The following TRMU variants were observed in gnomAD, a reference collection of about 807,000 sequenced individuals.
The protein encoded by TRMU is mitochondrial tRNA-specific 2-thiouridylase 1.
Under a neutral mutation model 46.9 loss-of-function variants are expected in TRMU, and 49 were observed. The ratio of observed to expected loss-of-function variants is 1.05; its 90% CI spans 0.83 to 1.33. The LOEUF (loss-of-function observed/expected upper bound fraction) is 1.33, where lower values mean the gene tolerates loss of function less well. TRMU is among the 40% of genes most tolerant of loss of function. TRMU has a pLI of 0.00. For synonymous variants in TRMU, 241 were observed against 200.9 expected, an observed-to-expected ratio of 1.20 and a Z score of -1.69; for missense variants, 572 against 532.4, an observed-to-expected ratio of 1.07 and a Z score of -0.73.
intron 9 of TRMU, 125 bp from the exon 10 acceptor site, chr22:46,355,865 G>T: frequency 8.6e-7 from 1 of 1,166,524 alleles, no homozygotes; most frequent in Non-Finnish European, 1.2e-6. Flanking sequence ...CCAGGCTGGT[G>T]CCCTGCCCTT....
In TRMU at chr22:46,335,814, G is replaced by A; in HGVS notation, c.50G>A (p.Ser17Asn). 1.3e-6 allele frequency: 2 copies of A among 1,558,880 alleles called. No homozygotes were observed. The highest frequency in any genetic ancestry group is 1.7e-6 in the Non-Finnish European group (2 of 1,157,682). The part of the protein sequence containing the change: ...VVCALSGGVD[S>N]AVAALLLRRR... ...TGCGCCCTGTCCGGCGGCGTGGACA[G>A]CGCCGTGGCCGCGCTGCTGCTGAGG... is the stretch of plus-strand genomic sequence containing the variant. The change falls in exon 1 of 11, where the codon AGC becomes AAC. Residue 17 changes from serine (S) to asparagine (N), a missense_variant. Coordinates refer to ENST00000645190, the MANE Select transcript of TRMU (RefSeq NM_018006.5).
chr22:46,355,792 C>T (rs2147115444), intron 9 of TRMU, 198 bp from the exon 10 acceptor site: 3 of 1,059,916 alleles, frequency 2.8e-6, no homozygotes, highest in East Asian at 5.2e-5. Context: ...GCAGGCAGGC[C>T]CCGGCGTGTT....
At chr22:46,355,312 C>G (rs2078564020) in intron 8 of TRMU, 132 bp from the exon 9 acceptor site, 2 of 1,393,902 alleles carry the variant, frequency 1.4e-6, no homozygotes, top group South Asian at 1.3e-5. Context: ...GGGTAGAACA[C>G]TTCGAGCGGT....
chr22:46,338,007 T>C lies in TRMU; in HGVS notation c.248+63T>C. The C allele has an allele frequency of 6.2e-7, 1 of 1,607,830 alleles. No homozygotes were observed. The highest frequency in any genetic ancestry group is 8.5e-7 in the Non-Finnish European group (1 of 1,175,100). On this transcript the variant is annotated intron_variant, in intron 2 of 10. Coordinates refer to ENST00000645190, the MANE Select transcript of TRMU (RefSeq NM_018006.5). The surrounding 1 kb of genome is among the most constrained non-coding windows in gnomAD (Gnocchi z 4.5). ...ACTGTGGATCCTTGCAGTGGAAGGATCCGGTAACCAGCCAGACCGACGCCT... is the reference window on the plus strand; with the variant it reads ...ACTGTGGATCCTTGCAGTGGAAGGACCCGGTAACCAGCCAGACCGACGCCT...
chr22:46,357,111 A>G lies in TRMU; in HGVS notation c.*105A>G, dbSNP rs2078637723. 2 of 1,523,688 alleles carry G rather than the reference A, an allele frequency of 1.3e-6. No individual in the cohort carries two copies. 94.4% of individuals were successfully genotyped at this position (1,523,688 alleles called of 1,614,324 possible). On this transcript the variant is annotated 3_prime_UTR_variant, in exon 11 of 11. Coordinates refer to ENST00000645190, the MANE Select transcript of TRMU (RefSeq NM_018006.5). ...GCCAGCTTGCTGCTGCCCAAAGCAG[A>G]GGAAGCCGGGCTGGCTGAGGGTCCG...
At chr22:46,355,925 C>G (rs975617810) in intron 9 of TRMU, 65 bp from the exon 10 acceptor site, 1 of 1,581,828 alleles carries the variant, frequency 6.3e-7, no homozygotes, top group Non-Finnish European at 8.7e-7. Flanking sequence ...TCCTTTCTCC[C>G]TGGGGGCCTG....
chr22:46,354,283 A>C (rs1046434468), intron 8 of TRMU: 11 of 272,104 alleles, frequency 4.0e-5, no homozygotes, highest in African/African-American at 2.4e-4. Flanking sequence ...CAAGCCTTCC[A>C]CCACAGTGGG....
Position 46,337,782 on chromosome 22 carries a change from A to G in TRMU, c.86A>G (p.Tyr29Cys). ...TAATTGACCTTCCCGCCCGCAGGTT[A>G]CCAGGTGACAGGGGTGTTTATGAAG... ...VAALLLRRRG[Y>C]QVTGVFMKNW... Residue 29 changes from tyrosine to cysteine, a missense_variant, in exon 2 of 11, where the codon TAC (tyrosine) becomes TGC (cysteine). Coordinates refer to ENST00000645190, the MANE Select transcript of TRMU (RefSeq NM_018006.5). 1.2e-6 allele frequency: 2 copies of G among 1,614,202 alleles called. No homozygotes were observed. The highest frequency in any genetic ancestry group is 2.2e-5 in the East Asian group (1 of 44,888).
intron 8 of TRMU, chr22:46,355,077 C>T (rs562145706): frequency 1.4e-4 from 48 of 352,406 alleles, no homozygotes; most frequent in Non-Finnish European, 2.4e-4. Context: ...CCTGTCCCTG[C>T]GAATAGAAAA....
In TRMU at chr22:46,342,664, A is replaced by G. The variant is rs930653438; in HGVS notation, c.249-598A>G. Among the ~76,000 whole-genome samples, 2 of 152,166 alleles carry G rather than the reference A, an allele frequency of 1.3e-5. No homozygotes were observed. Among genetic ancestry groups the G allele is most frequent in the African/African-American group, 2.4e-5 (1 of 41,436 alleles). On this transcript the variant is annotated intron_variant, in intron 2 of 10. Transcript: ENST00000645190. This position sits in a 1 kb window ranked among gnomAD's most constrained non-coding sequence, Gnocchi z 4.7. The stretch of plus-strand genomic sequence containing the variant: ...AGACCTCATCTCTATAAAAAAAGAA[A>G]AGGTTGCAGTGGGCCAGGTGCGGTG...
intron 7 of TRMU, 58 bp downstream of exon 7, chr22:46,352,388 C>G (rs1002704813): frequency 6.3e-7 from 1 of 1,581,386 alleles, no homozygotes; most frequent in African/African-American, 1.3e-5. Context: ...GGCGTTTCAG[C>G]TCTGGGAGAC....
intron 3 of TRMU, among the ~76,000 whole-genome samples, chr22:46,343,934 T>C (rs551972379): frequency 2.0e-5 from 3 of 152,100 alleles, no homozygotes; most frequent in Admixed American, 1.3e-4. Context: ...TGATGTAGAT[T>C]AGGCTTGCAG....
chr22:46,353,974 G>A (rs2078517176), intron 8 of TRMU, 107 bp downstream of exon 8: 1 of 985,140 alleles, frequency 1.0e-6, no homozygotes, highest in Non-Finnish European at 1.6e-6. Context: ...GCTTCCTGGA[G>A]GCTGTGACTA....
Position 46,343,281 on chromosome 22 carries a change from G to C in TRMU, c.268G>C (p.Glu90Gln), listed in dbSNP as rs2078169991. 2.5e-6 allele frequency: 4 copies of C among 1,613,010 alleles called. No homozygotes were observed. The Admixed American group carries it at 5.0e-5, about 20-fold the overall frequency. ...TTCTAGTGACTTTTTGAATGAGTAT[G>C]AAAAAGGAAGGACTCCCAATCCTGA... ...DVFSDFLNEY[E>Q]KGRTPNPDIV... The change falls in exon 3 of 11, where the codon GAA becomes CAA. Residue 90 changes from glutamate (E) to glutamine (Q), a missense_variant. Transcript: ENST00000645190.
intron 5 of TRMU, 32 bp from the exon 6 acceptor site, chr22:46,352,089 C>G: frequency 6.2e-7 from 1 of 1,611,834 alleles, no homozygotes; most frequent in Non-Finnish European, 8.5e-7. Flanking sequence ...GCCACTTCTG[C>G]TCCTCTCACG....
rs2078313266 is a variant in TRMU, at chr22:46,348,333, TGTTG to T, written c.478+1790_478+1793del. Reference sequence around the variant, plus strand: ...AACTTGGGACAGTACTGATGCGTTCTGTTGAGTGCGTTTGGCATGTGGGAATTGT... The same window carrying T: ...AACTTGGGACAGTACTGATGCGTTCTAGTGCGTTTGGCATGTGGGAATTGT... On this transcript the variant is annotated intron_variant, in intron 4 of 10. Coordinates refer to ENST00000645190, the MANE Select transcript of TRMU (RefSeq NM_018006.5). The surrounding 1 kb of genome is among the most constrained non-coding windows in gnomAD (Gnocchi z 4.8). Among the ~76,000 whole-genome samples, 1 of 152,244 alleles carries T rather than the reference TGTTG, an allele frequency of 6.6e-6. No individual in the cohort carries two copies. Among genetic ancestry groups the T allele is most frequent in the Non-Finnish European group, 1.5e-5 (1 of 68,034 alleles).
At position 46,350,859 on chromosome 22, in the gene TRMU, G is replaced by T. The variant is rs556826830; in HGVS notation, c.651+396G>T. On this transcript the variant is annotated intron_variant, in intron 5 of 10. Coordinates refer to ENST00000645190, the MANE Select transcript of TRMU (RefSeq NM_018006.5). This position sits in a 1 kb window ranked among gnomAD's most constrained non-coding sequence, Gnocchi z 4.6. ...CACTCATGTGCCCTGTCACCCGCTT[G>T]CCCGGCACAGACTCGTTCGGTGCCA... Among the ~76,000 whole-genome samples the T allele has an allele frequency of 4.6e-4, 70 of 152,332 alleles. No individual in the cohort carries two copies. In the Middle Eastern group the frequency reaches 0.017, roughly 37 times the overall value.
intron 7 of TRMU, 51 bp from the exon 8 acceptor site, chr22:46,353,714 CAT>C (rs2078506553): frequency 8.4e-6 from 13 of 1,549,556 alleles, no homozygotes; most frequent in South Asian, 2.2e-5. Flanking sequence ...TGAGGCGTGA[CAT>C]GTGGGCTGTA....
In TRMU at chr22:46,347,705, G is replaced by A. The variant is rs987828210; in HGVS notation, c.478+1161G>A. On this transcript the variant is annotated intron_variant, in intron 4 of 10. Transcript: ENST00000645190. This position sits in a 1 kb window ranked among gnomAD's most constrained non-coding sequence, Gnocchi z 5.0. The stretch of plus-strand genomic sequence containing the variant: ...TCCATGAGGTGTATGCTCTCATCCC[G>A]TTTCACAGATGAGGAAACCGAGGCC... 1.3e-5 allele frequency among the ~76,000 whole-genome samples: 2 copies of A among 152,164 alleles called. No homozygotes were observed. The highest frequency in any genetic ancestry group is 2.1e-4 in the South Asian group (1 of 4,820).
Sources: gnomAD v4.1 joint callset for allele counts (sites outside exome capture counted in the v4.1 genomes callset) on GRCh38, gnomAD v4.1.1 for gene constraint, Gnocchi (gnomAD v3.1) non-coding constraint, MANE v1.5 for transcripts, NCBI Gene and HGNC (gene_info 2026-07-23, HGNC 2026-07-21) for gene names.